PUDP: variants seen among roughly 807,000 people sequenced by gnomAD.
PUDP encodes pseudouridine 5'-phosphatase.
A neutral mutation model predicts 9.4 loss-of-function variants in PUDP; 8 were observed. The observed-to-expected ratio is 0.85, with a 90% CI of 0.50 to 1.53. The LOEUF (loss-of-function observed/expected upper bound fraction) is 1.53. Among genes scored for constraint, PUDP ranks in the 40% most tolerant of loss-of-function variants. The probability of loss-of-function intolerance (pLI) is 0.00; values close to 1 mark genes in which losing one functional copy is unlikely to be tolerated. For synonymous variants in PUDP, 99 were observed against 80.7 expected, an observed-to-expected ratio of 1.23 and a Z score of -1.22; for missense variants, 188 against 189.7, an observed-to-expected ratio of 0.99 and a Z score of 0.05.
intron 3 of PUDP, among the ~76,000 whole-genome samples, chrX:6,768,143 C>G (rs1354706075): frequency 8.9e-6 from 1 of 112,038 alleles, no homozygotes; most frequent in Non-Finnish European, 1.9e-5. Flanking sequence ...CGGTTCTCAA[C>G]CAGGGGCGAT....
At chrX:7,040,513 G>A (rs1929907416) in intron 1 of PUDP, among the ~76,000 whole-genome samples, 2 of 59,088 alleles carry the variant, frequency 3.4e-5, no homozygotes, top group South Asian at 2.2e-3. Context: ...TCCCTGGAGA[G>A]TACAGGGATG....
At chrX:7,132,366 T>C (rs763355194) in intron 1 of PUDP, among the ~76,000 whole-genome samples, 1 of 112,280 alleles carries the variant, frequency 8.9e-6, no homozygotes, top group South Asian at 3.7e-4. Flanking sequence ...TGGAGCCACC[T>C]AAATGCTGGG....
At chrX:6,871,739 G>A (rs977087573) in intron 3 of PUDP, among the ~76,000 whole-genome samples, 2 of 111,102 alleles carry the variant, frequency 1.8e-5, no homozygotes, top group Admixed American at 1.9e-4. Flanking sequence ...AAAACCAGGA[G>A]ATTCCCACAC....
chrX:6,890,125 C>A (rs1003224430), intron 3 of PUDP, among the ~76,000 whole-genome samples: 1 of 111,748 alleles, frequency 8.9e-6, no homozygotes, highest in African/African-American at 3.3e-5. Context: ...TTTCCACATG[C>A]CAGATTCCAC....
At chrX:7,138,411 T>C (rs1032342515) in intron 1 of PUDP, among the ~76,000 whole-genome samples, 2 of 108,953 alleles carry the variant, frequency 1.8e-5, no homozygotes, top group African/African-American at 6.7e-5. Context: ...CTAGCTCTAC[T>C]GCCCAGGCTG....
At chrX:6,730,509 T>A (rs778857428) in intron 3 of PUDP, among the ~76,000 whole-genome samples, 1 of 111,916 alleles carries the variant, frequency 8.9e-6, no homozygotes, top group Non-Finnish European at 1.9e-5. Flanking sequence ...TAGTTGGTTT[T>A]GTGTGCTTCT....
intron 3 of PUDP, among the ~76,000 whole-genome samples, chrX:6,961,106 T>A (rs1383803158): frequency 1.8e-5 from 2 of 111,837 alleles, no homozygotes; most frequent in East Asian, 5.6e-4. Flanking sequence ...CCTTCAAGAC[T>A]CACCAAAAGT....
chrX:7,121,688 G>A, intron 1 of PUDP, among the ~76,000 whole-genome samples: 1 of 111,452 alleles, frequency 9.0e-6, no homozygotes, highest in Middle Eastern at 4.6e-3. Context: ...GGCATATAGG[G>A]AGGAGCCTGG....
chrX:7,078,660 T>G (rs1930989088), intron 2 of PUDP, among the ~76,000 whole-genome samples: 1 of 112,282 alleles, frequency 8.9e-6, no homozygotes, highest in South Asian at 3.6e-4. Context: ...TGTCCCTACT[T>G]TGTCAATTGT....
At position 6,707,457 on chromosome X, in the gene PUDP, T is replaced by A. The variant is rs1924483815; in HGVS notation, n.129-991A>T. Among the ~76,000 whole-genome samples the A allele has an allele frequency of 1.8e-5, 2 of 111,939 alleles. 1 individual carries two copies. Among genetic ancestry groups the A allele is most frequent in the South Asian group, 7.4e-4 (2 of 2,696 alleles). Reference sequence around the variant, plus strand: ...TATAATGAAATACAACTTATCATCATGTATAACCAGTGGGAGCCCTAAGCT... The same window carrying A: ...TATAATGAAATACAACTTATCATCAAGTATAACCAGTGGGAGCCCTAAGCT... On this transcript the variant is annotated intron_variant and non_coding_transcript_variant, in intron 1 of 2. Coordinates refer to the PUDP transcript ENST00000438499.
At chrX:6,860,733 A>G (rs1018044707) in intron 3 of PUDP, among the ~76,000 whole-genome samples, 1 of 111,516 alleles carries the variant, frequency 9.0e-6, no homozygotes, top group Non-Finnish European at 1.9e-5. Flanking sequence ...CGGCCTCCCA[A>G]AGTGCTGGGA....
intron 3 of PUDP, among the ~76,000 whole-genome samples, chrX:6,909,794 G>A (rs1460934146): frequency 8.9e-6 from 1 of 112,297 alleles, no homozygotes; most frequent in Non-Finnish European, 1.9e-5. Flanking sequence ...CCCCCTCCCC[G>A]TAAGAGTATT....
At chrX:7,020,272 G>A (rs1300121987) in intron 1 of PUDP, among the ~76,000 whole-genome samples, 4 of 109,992 alleles carry the variant, frequency 3.6e-5, no homozygotes, top group East Asian at 5.8e-4. Flanking sequence ...CTCATAGTTC[G>A]CCAGCCTTTT....
chrX:6,857,936 T>C (rs1387183787), intron 3 of PUDP, among the ~76,000 whole-genome samples: 1 of 111,741 alleles, frequency 8.9e-6, no homozygotes, highest in Non-Finnish European at 1.9e-5. Flanking sequence ...CTTTGGAATT[T>C]CCTGAGAGAA....
intron 3 of PUDP, among the ~76,000 whole-genome samples, chrX:6,797,462 T>C (rs1483478550): frequency 2.7e-5 from 3 of 111,565 alleles, no homozygotes; most frequent in Non-Finnish European, 5.6e-5. Flanking sequence ...ATGGTTTCTG[T>C]CTTGCTCTCT....
At chrX:6,825,916 C>G (rs1461507406) in intron 3 of PUDP, among the ~76,000 whole-genome samples, 2 of 111,632 alleles carry the variant, frequency 1.8e-5, no homozygotes, top group Non-Finnish European at 3.8e-5. Flanking sequence ...GGCAACAAGG[C>G]TGGGGTATGC....
chrX:6,777,957 T>G (rs1166253820), intron 3 of PUDP, among the ~76,000 whole-genome samples: 1 of 112,130 alleles, frequency 8.9e-6, no homozygotes, highest in Non-Finnish European at 1.9e-5. Context: ...TGAGCAATAG[T>G]CTACTATAGT....
At chrX:6,722,627 T>C (rs1924687249), upstream of PUDP, among the ~76,000 whole-genome samples, 1 of 111,273 alleles carries the variant, frequency 9.0e-6, no homozygotes, top group South Asian at 3.7e-4. Context: ...AAAGAAGACA[T>C]TGGAAACTAC....
At chrX:7,060,997 G>A (rs1930385924) in intron 3 of PUDP, among the ~76,000 whole-genome samples, 1 of 111,881 alleles carries the variant, frequency 8.9e-6, no homozygotes, top group African/African-American at 3.3e-5. Context: ...AGAGAGGGGC[G>A]TGAGCATATT....
Sources: gnomAD v4.1 joint callset for allele counts (sites outside exome capture counted in the v4.1 genomes callset) on GRCh38, gnomAD v4.1.1 for gene constraint, MANE v1.5 for transcripts, NCBI Gene and HGNC (gene_info 2026-07-23, HGNC 2026-07-21) for gene names.